NR3C2: variants seen among roughly 807,000 people sequenced by gnomAD.
NR3C2 encodes mineralocorticoid receptor.
A neutral mutation model predicts 86.4 loss-of-function variants in NR3C2; 15 were observed. The observed-to-expected ratio is 0.17, with a 90% CI of 0.12 to 0.27. NR3C2 has a LOEUF of 0.27. Ranked by LOEUF, NR3C2 falls within the 10% of genes least tolerant of loss-of-function variation. The pLI is 1.00. For missense variants in NR3C2, 960 were observed against 1,195.6 expected (o/e 0.80, Z 2.91); for synonymous variants, 458 against 450.5 (o/e 1.02, Z -0.21).
intron 2 of NR3C2, among the ~76,000 whole-genome samples, chr4:148,433,659 G>A (rs992747176): frequency 6.6e-6 from 1 of 152,104 alleles, no homozygotes; most frequent in Admixed American, 6.6e-5. Flanking sequence ...AAACAATTAA[G>A]TAGCAGAGTT....
At chr4:148,301,476 C>T (rs1049394586) in intron 2 of NR3C2, among the ~76,000 whole-genome samples, 6 of 152,114 alleles carry the variant, frequency 3.9e-5, no homozygotes, top group South Asian at 2.1e-4. Context: ...GGATTGTAAA[C>T]GTTAATCTTG....
At position 148,429,723 on chromosome 4, in the gene NR3C2, C is replaced by T. The variant is rs550609435; in HGVS notation, c.1757+5381G>A. Among the ~76,000 whole-genome samples the T allele has an allele frequency of 7.2e-4, 109 of 152,290 alleles. 3 individuals carry two copies. The South Asian group carries it at 0.02, about 29-fold the overall frequency. ...GAGACCCTAATGTTTAAAATGAAGA[C>T]GCTATCCATTTAACATGCTTTTATT... On this transcript the variant is annotated intron_variant, in intron 2 of 8. Transcript: ENST00000358102.
chr4:148,331,274 G>A (rs1180248964), intron 2 of NR3C2, among the ~76,000 whole-genome samples: 1 of 133,014 alleles, frequency 7.5e-6, no homozygotes. Context: ...AAAGCAGCAG[G>A]TGGGATAAAC....
At chr4:148,107,857 A>G (rs1192210810) in intron 8 of NR3C2, among the ~76,000 whole-genome samples, 3 of 152,112 alleles carry the variant, frequency 2.0e-5, no homozygotes, top group Admixed American at 2.0e-4. Context: ...GAGGTCAGGG[A>G]CAAGGGGAGG....
intron 2 of NR3C2, among the ~76,000 whole-genome samples, chr4:148,415,907 TAGAC>T (rs1748969521): frequency 6.6e-6 from 1 of 152,184 alleles, no homozygotes. Context: ...CTATTACTCA[TAGAC>T]AAACACCACT....
chr4:148,121,582 T>G (rs981739526), intron 6 of NR3C2, among the ~76,000 whole-genome samples: 1 of 152,146 alleles, frequency 6.6e-6, no homozygotes, highest in Non-Finnish European at 1.5e-5. Flanking sequence ...TCTTCCCCAA[T>G]CCCATCCATC....
At chr4:148,120,335 C>T (rs1732459601) in intron 6 of NR3C2, 47 bp from the exon 7 acceptor site, 1 of 1,612,344 alleles carries the variant, frequency 6.2e-7, no homozygotes, top group Non-Finnish European at 8.5e-7. Context: ...GATTCATTAT[C>T]AAACCCAGAC....
intron 2 of NR3C2, among the ~76,000 whole-genome samples, chr4:148,409,798 A>G (rs1336928097): frequency 6.6e-6 from 1 of 152,136 alleles, no homozygotes; most frequent in East Asian, 1.9e-4. Flanking sequence ...GTCCCAAAGT[A>G]GGTAATTTAC....
chr4:148,433,416 A>G (rs1749889835), intron 2 of NR3C2, among the ~76,000 whole-genome samples: 1 of 152,202 alleles, frequency 6.6e-6, no homozygotes, highest in Non-Finnish European at 1.5e-5. Context: ...GTGCTTAAAT[A>G]TTTTAAGTAT....
At chr4:148,293,479 G>A (rs1041546360) in intron 2 of NR3C2, among the ~76,000 whole-genome samples, 4 of 152,186 alleles carry the variant, frequency 2.6e-5, no homozygotes, top group African/African-American at 9.6e-5. Context: ...CAAATGCTAA[G>A]TTTGGTTAGT....
intron 1 of NR3C2, among the ~76,000 whole-genome samples, chr4:148,441,350 T>C (rs1245581293): frequency 1.3e-5 from 2 of 152,256 alleles, no homozygotes; most frequent in Admixed American, 6.5e-5. Flanking sequence ...TTATCATTAC[T>C]ATGTAAATAT....
At chr4:148,202,022 C>T (rs1225630645) in intron 3 of NR3C2, among the ~76,000 whole-genome samples, 1 of 152,208 alleles carries the variant, frequency 6.6e-6, no homozygotes, top group Non-Finnish European at 1.5e-5. Context: ...GAAGGATTTG[C>T]AGAGCAGGAG....
intron 6 of NR3C2, among the ~76,000 whole-genome samples, chr4:148,122,181 C>T (rs1430601896): frequency 6.6e-6 from 1 of 152,038 alleles, no homozygotes; most frequent in Non-Finnish European, 1.5e-5. Context: ...CAAATGTTTA[C>T]TCATCATTTG....
chr4:148,325,932 AT>A (rs1161336092), intron 2 of NR3C2, among the ~76,000 whole-genome samples: 2 of 152,166 alleles, frequency 1.3e-5, no homozygotes, highest in Admixed American at 1.3e-4. Flanking sequence ...TAAGTTTTTA[AT>A]TTTGTTCACT....
At chr4:148,281,298 G>C (rs1384651831) in intron 2 of NR3C2, among the ~76,000 whole-genome samples, 2 of 152,094 alleles carry the variant, frequency 1.3e-5, no homozygotes, top group Non-Finnish European at 2.9e-5. Context: ...GTAAATGCAG[G>C]GAAAACCGTT....
At chr4:148,258,879 G>C (rs977149455) in intron 3 of NR3C2, among the ~76,000 whole-genome samples, 1 of 152,170 alleles carries the variant, frequency 6.6e-6, no homozygotes, top group African/African-American at 2.4e-5. Context: ...GTAACCAAGA[G>C]CTCATAATCC....
chr4:148,238,959 C>T (rs1356745228), intron 3 of NR3C2, among the ~76,000 whole-genome samples: 1 of 152,164 alleles, frequency 6.6e-6, no homozygotes, highest in Non-Finnish European at 1.5e-5. Context: ...AGTAATCAAA[C>T]ACAGGGAACT....
At chr4:148,384,668 T>C (rs1340704663) in intron 2 of NR3C2, among the ~76,000 whole-genome samples, 3 of 152,318 alleles carry the variant, frequency 2.0e-5, no homozygotes, top group Non-Finnish European at 4.4e-5. Context: ...TTTTTCCCCA[T>C]GCGTTTATCA....
intron 6 of NR3C2, among the ~76,000 whole-genome samples, chr4:148,136,707 C>T (rs1196857047): frequency 1.3e-5 from 2 of 151,940 alleles, no homozygotes; most frequent in Admixed American, 6.6e-5. Context: ...AGTGCAATGG[C>T]GCAATCTCAG....
Sources: allele counts gnomAD v4.1 joint callset (sites outside exome capture counted in the v4.1 genomes callset), GRCh38; gene constraint gnomAD v4.1.1; transcripts MANE v1.5; gene names NCBI Gene and HGNC (gene_info 2026-07-23, HGNC 2026-07-21).